The following KLHL1 variants were observed in gnomAD, a reference collection of about 807,000 sequenced individuals.
KLHL1 encodes kelch like family member 1.
Under a neutral mutation model 77.7 loss-of-function variants are expected in KLHL1, and 47 were observed. That is an observed-to-expected ratio of 0.60 (90% confidence interval 0.48 to 0.77). The LOEUF is 0.77. KLHL1 is among the 30% of genes least tolerant of loss of function. The pLI, the probability that KLHL1 is intolerant of heterozygous loss-of-function variation, is 0.00. For missense variants in KLHL1, 925 were observed against 910.8 expected, an observed-to-expected ratio of 1.02 and a Z score of -0.20; for synonymous variants, 360 against 325.2, an observed-to-expected ratio of 1.11 and a Z score of -1.15.
intron 4 of KLHL1, among the ~76,000 whole-genome samples, chr13:69,898,596 A>G (rs976581104): frequency 6.6e-6 from 1 of 152,084 alleles, no homozygotes. Flanking sequence ...TTATGGCCCC[A>G]CTATTGAATA....
chr13:69,985,847 G>T (rs1368727597), intron 1 of KLHL1, among the ~76,000 whole-genome samples: 3 of 127,532 alleles, frequency 2.4e-5, no homozygotes, highest in African/African-American at 8.2e-5. Flanking sequence ...TGTGTGTATA[G>T]ATATATATAT....
chr13:69,807,522 A>C (rs1877666589), intron 6 of KLHL1, among the ~76,000 whole-genome samples: 1 of 152,010 alleles, frequency 6.6e-6, no homozygotes, highest in Admixed American at 6.6e-5. Context: ...TTAGACTGAG[A>C]CATGAGCAAA....
chr13:69,986,809 G>T (rs1015540416), intron 1 of KLHL1, among the ~76,000 whole-genome samples: 3 of 152,030 alleles, frequency 2.0e-5, no homozygotes, highest in Admixed American at 2.0e-4. Flanking sequence ...GTGATGTCAA[G>T]ATACTTGATG....
intron 1 of KLHL1, among the ~76,000 whole-genome samples, chr13:70,064,987 A>C (rs2137410036): frequency 6.6e-6 from 1 of 152,258 alleles, no homozygotes; most frequent in East Asian, 1.9e-4. Flanking sequence ...TAATTATAGT[A>C]ATGAAGAGTG....
At chr13:69,954,832 A>G (rs1883818402) in intron 3 of KLHL1, among the ~76,000 whole-genome samples, 1 of 150,748 alleles carries the variant, frequency 6.6e-6, no homozygotes, top group Non-Finnish European at 1.5e-5. Flanking sequence ...TTAAACATAT[A>G]TATGCATAAA....
intron 9 of KLHL1, among the ~76,000 whole-genome samples, chr13:69,716,202 G>T (rs936036337): frequency 4.0e-5 from 6 of 151,830 alleles, no homozygotes; most frequent in African/African-American, 1.5e-4. Flanking sequence ...CAATTCATTT[G>T]TCTGTATAAC....
At chr13:70,044,392 CA>C (rs984100861) in intron 1 of KLHL1, among the ~76,000 whole-genome samples, 16 of 152,158 alleles carry the variant, frequency 1.1e-4, no homozygotes, top group Non-Finnish European at 2.1e-4. Context: ...CATTTCTTAT[CA>C]CCGTACATTG....
At chr13:69,874,011 T>G (rs751852924) in intron 5 of KLHL1, among the ~76,000 whole-genome samples, 4 of 152,200 alleles carry the variant, frequency 2.6e-5, no homozygotes, top group Admixed American at 2.6e-4. Context: ...TTAGTCATGA[T>G]GGGTGACCAC....
intron 1 of KLHL1, among the ~76,000 whole-genome samples, chr13:70,100,021 G>T (rs1401176429): frequency 6.6e-6 from 1 of 151,586 alleles, no homozygotes; most frequent in African/African-American, 2.4e-5. Context: ...GTTTATTCTA[G>T]GTCCTTTGAA....
intron 1 of KLHL1, among the ~76,000 whole-genome samples, chr13:70,089,795 C>G (rs977001806): frequency 6.6e-5 from 10 of 152,036 alleles, no homozygotes; most frequent in African/African-American, 2.4e-4. Flanking sequence ...TAGAAGTGAA[C>G]TGTAGAAAAG....
chr13:70,090,611 G>A (rs1245942074), intron 1 of KLHL1, among the ~76,000 whole-genome samples: 1 of 151,932 alleles, frequency 6.6e-6, no homozygotes, highest in African/African-American at 2.4e-5. Flanking sequence ...GATGATATAG[G>A]GAGAAGAAGT....
chr13:69,789,846 T>A (rs537308355), intron 7 of KLHL1, among the ~76,000 whole-genome samples: 1 of 152,320 alleles, frequency 6.6e-6, no homozygotes, highest in South Asian at 2.1e-4. Context: ...TGTTTTGTAT[T>A]TGTTTTGCAT....
intron 5 of KLHL1, among the ~76,000 whole-genome samples, chr13:69,880,308 T>C (rs541411579): frequency 1.3e-5 from 2 of 152,184 alleles, no homozygotes; most frequent in South Asian, 4.1e-4. Context: ...GTTGTAGAAG[T>C]GATAGCCCTT....
chr13:69,959,903 C>G (rs1057178009), intron 3 of KLHL1, among the ~76,000 whole-genome samples: 2 of 151,934 alleles, frequency 1.3e-5, no homozygotes, highest in African/African-American at 4.8e-5. Flanking sequence ...AAAAATCCTC[C>G]CTTCCTTCGT....
At chr13:69,974,530 GA>G (rs1187161945) in intron 2 of KLHL1, among the ~76,000 whole-genome samples, 2 of 151,910 alleles carry the variant, frequency 1.3e-5, no homozygotes, top group Non-Finnish European at 2.9e-5. Context: ...GTTGAATTAA[GA>G]TGAATAAAAG....
rs866388057 is a variant in KLHL1 at position 69,721,068 on chromosome 13, T to C, written c.1803-1487A>G. On this transcript the variant is annotated intron_variant, in intron 8 of 10. Coordinates refer to ENST00000377844, the MANE Select transcript of KLHL1 (RefSeq NM_020866.3). ...TAGAAAAGATAGCTACTAAGATATA[T>C]ATATATATATAAAGCTATGTACCTC... is the stretch of plus-strand genomic sequence containing the variant. Among the ~76,000 whole-genome samples the C allele has an allele frequency of 1.5e-4, 9 of 58,598 alleles. 3 individuals are homozygous for C. Among genetic ancestry groups the C allele is most frequent in the African/African-American group, 3.9e-4 (9 of 23,058 alleles). 38.4% of individuals were successfully genotyped at this position (58,598 alleles called of 152,430 possible).
intron 4 of KLHL1, among the ~76,000 whole-genome samples, chr13:69,920,841 TCTC>T (rs1384789762): frequency 6.6e-6 from 1 of 152,106 alleles, no homozygotes; most frequent in Non-Finnish European, 1.5e-5. Context: ...AAACATTAAT[TCTC>T]CTCTGTATGC....
chr13:69,988,881 T>A (rs1174185531), intron 1 of KLHL1, among the ~76,000 whole-genome samples: 3 of 152,088 alleles, frequency 2.0e-5, no homozygotes, highest in African/African-American at 7.2e-5. Context: ...GTCAGATGTA[T>A]AATTTGCAAA....
At chr13:69,903,266 C>T (rs9542107) in intron 4 of KLHL1, among the ~76,000 whole-genome samples, 13,907 of 152,162 alleles carry the variant, frequency 0.091, 905 homozygotes, top group Non-Finnish European at 0.14. Flanking sequence ...CAGCCAGAAC[C>T]CACCACACCC....
Sources: gnomAD v4.1 joint callset for allele counts (sites outside exome capture counted in the v4.1 genomes callset) on GRCh38, gnomAD v4.1.1 for gene constraint, MANE v1.5 for transcripts, NCBI Gene and HGNC (gene_info 2026-07-23, HGNC 2026-07-21) for gene names.